The following LAMA2 variants were observed in gnomAD, a reference collection of about 807,000 sequenced individuals.
LAMA2 encodes laminin subunit alpha-2.
In LAMA2, 269 loss-of-function variants were observed where a neutral mutation model predicts 364.8. The observed-to-expected ratio is 0.74, with a 90% confidence interval of 0.67 to 0.82. LAMA2 has a LOEUF of 0.82. Ranked by LOEUF, LAMA2 falls within the 40% of genes least tolerant of loss-of-function variation. The pLI is 0.00. For synonymous variants in LAMA2, 1,379 were observed against 1,370.6 expected (o/e 1.01, Z -0.14); for missense variants, 3,807 against 3,873.2 (o/e 0.98, Z 0.45).
At chr6:129,107,062 G>A (rs1315031918) in intron 4 of LAMA2, among the ~76,000 whole-genome samples, 3 of 151,978 alleles carry the variant, frequency 2.0e-5, no homozygotes, top group Non-Finnish European at 4.4e-5. Context: ...TGGAACAGAA[G>A]GGTAAGCTTC....
chr6:128,913,041 A>G (rs1303675875), intron 1 of LAMA2, among the ~76,000 whole-genome samples: 2 of 152,218 alleles, frequency 1.3e-5, no homozygotes, highest in Non-Finnish European at 2.9e-5. Context: ...ATTTGCTTTA[A>G]TAAAGAAAAA....
chr6:128,950,118 C>T (rs1201891674), intron 1 of LAMA2, among the ~76,000 whole-genome samples: 2 of 152,038 alleles, frequency 1.3e-5, no homozygotes, highest in Non-Finnish European at 2.9e-5. Flanking sequence ...TAAAAGTAGC[C>T]AGATGCAATG....
At chr6:129,257,451 A>G (rs915824383) in intron 14 of LAMA2, among the ~76,000 whole-genome samples, 5 of 152,122 alleles carry the variant, frequency 3.3e-5, no homozygotes, top group Admixed American at 6.6e-5. Context: ...CAGTTCACTG[A>G]AAATATTTTT....
chr6:129,453,945 CTTT>C (rs11389653), intron 46 of LAMA2, among the ~76,000 whole-genome samples: 3 of 143,234 alleles, frequency 2.1e-5, no homozygotes, highest in South Asian at 2.2e-4. Flanking sequence ...GCATTATGGA[CTTT>C]TTTTTTTTTT....
intron 8 of LAMA2, 39 bp from the exon 9 acceptor site, chr6:129,165,537 T>C: frequency 7.2e-7 from 1 of 1,386,134 alleles, no homozygotes; most frequent in Non-Finnish European, 1.0e-6. Flanking sequence ...TTGCTGTTTC[T>C]ATTACACTTC....
At chr6:129,092,380 T>C (rs1326835133) in intron 3 of LAMA2, among the ~76,000 whole-genome samples, 1 of 152,210 alleles carries the variant, frequency 6.6e-6, no homozygotes, top group Non-Finnish European at 1.5e-5. Flanking sequence ...CTTGAAAACA[T>C]GATGTCTATG....
chr6:129,242,640 A>G (rs1785471107), intron 12 of LAMA2, among the ~76,000 whole-genome samples: 1 of 152,158 alleles, frequency 6.6e-6, no homozygotes. Context: ...ATTTACACAC[A>G]AATTAATCTA....
chr6:128,910,457 G>A (rs1777833135), intron 1 of LAMA2, among the ~76,000 whole-genome samples: 2 of 151,972 alleles, frequency 1.3e-5, no homozygotes, highest in African/African-American at 2.4e-5. Flanking sequence ...CATTCTTCAC[G>A]TAGTTCTCGA....
chr6:128,901,300 C>T (rs1411176899), intron 1 of LAMA2, among the ~76,000 whole-genome samples: 1 of 152,140 alleles, frequency 6.6e-6, no homozygotes, highest in Admixed American at 6.5e-5. Context: ...TAGCTTTCAC[C>T]TTTAAGAAAT....
chr6:129,163,413 C>T (rs1388811894), intron 8 of LAMA2, among the ~76,000 whole-genome samples: 5 of 152,152 alleles, frequency 3.3e-5, no homozygotes, highest in Non-Finnish European at 7.3e-5. Flanking sequence ...GCAGGCAAGT[C>T]GCTTGCGGTC....
intron 17 of LAMA2, among the ~76,000 whole-genome samples, chr6:129,276,339 A>C (rs1788327239): frequency 6.6e-6 from 1 of 152,132 alleles, no homozygotes; most frequent in African/African-American, 2.4e-5. Flanking sequence ...GGAAGTTTTA[A>C]TTTTATACCC....
intron 7 of LAMA2, among the ~76,000 whole-genome samples, chr6:129,152,875 T>C (rs1314879823): frequency 6.6e-6 from 1 of 152,096 alleles, no homozygotes; most frequent in African/African-American, 2.4e-5. Context: ...TGGAAAGGGC[T>C]CCATGATTTA....
intron 35 of LAMA2, among the ~76,000 whole-genome samples, chr6:129,385,120 A>AAGGGGGAAGG (rs1778917436): frequency 2.9e-3 from 1 of 346 alleles, no homozygotes; most frequent in African/African-American, 0.011. Flanking sequence ...GGGAGGGAGG[A>AAGGGGGAAGG]GAGGGAAGGA....
chr6:129,044,704 CTTA>C lies in LAMA2; in HGVS notation c.113-5211_113-5209del, dbSNP rs554363188. Among the ~76,000 whole-genome samples the C allele has an allele frequency of 3.1e-3, 466 of 151,976 alleles. 1 individual carries two copies. Among genetic ancestry groups the C allele is most frequent in the Middle Eastern group, 6.8e-3 (2 of 294 alleles). On this transcript the variant is annotated intron_variant, in intron 1 of 64. Transcript: ENST00000421865. ...CCTTATAACCAGAACTCCAACTAAA[CTTA>C]TTTAGTCTAGTGCTATTCAGAAAAA...
chr6:129,438,604 G>T lies in LAMA2; in HGVS notation c.5969-42G>T, dbSNP rs374705334. 5 of 996,106 alleles carry T rather than the reference G, an allele frequency of 5.0e-6. No individual in the cohort carries two copies. The African/African-American group carries it at 7.9e-5, about 16-fold the overall frequency. 61.7% of individuals were successfully genotyped at this position (996,106 alleles called of 1,614,324 possible). ...CACATCCAAGTATAAGCTCAGGGAT[G>T]ATAAAACTTATTTAATCCTTTTTTT... On this transcript the variant is annotated intron_variant, in intron 41 of 64. Transcript: ENST00000421865.
intron 3 of LAMA2, among the ~76,000 whole-genome samples, chr6:129,086,469 T>C (rs1407907434): frequency 1.3e-5 from 2 of 152,142 alleles, no homozygotes; most frequent in Non-Finnish European, 2.9e-5. Context: ...CAAAATTAAA[T>C]TATCAAAAAG....
At position 129,353,319 on chromosome 6, in the gene LAMA2, G is replaced by A; in HGVS notation, c.4679G>A (p.Cys1560Tyr). ...GCCACGGGAAGGAAGTGTGACGGCT[G>A]CAAGCACTGGCATGCACGCGAGGGC... ...PGATGRKCDG[C>Y]KHWHAREGWE... Residue 1560 changes from cysteine (C) to tyrosine (Y), a missense_variant, in exon 32 of 65, where the codon TGC (cysteine) becomes TAC (tyrosine). Coordinates refer to ENST00000421865, the MANE Select transcript of LAMA2 (RefSeq NM_000426.4). 1 of 1,614,076 alleles carries A rather than the reference G, an allele frequency of 6.2e-7. No individual in the cohort carries two copies. The highest frequency in any genetic ancestry group is 8.5e-7 in the Non-Finnish European group (1 of 1,179,990).
chr6:129,136,305 T>G (rs2114945465), intron 4 of LAMA2, among the ~76,000 whole-genome samples: 1 of 152,252 alleles, frequency 6.6e-6, no homozygotes, highest in African/African-American at 2.4e-5. Flanking sequence ...CACCAGAGGC[T>G]TTCTAAGAAA....
chr6:129,455,674 A>C (rs1782925385), intron 47 of LAMA2, among the ~76,000 whole-genome samples: 1 of 152,188 alleles, frequency 6.6e-6, no homozygotes, highest in African/African-American at 2.4e-5. Flanking sequence ...AAATAAAATG[A>C]TAATAGCTTT....
Sources: gnomAD v4.1 joint callset for allele counts (sites outside exome capture counted in the v4.1 genomes callset) on GRCh38, gnomAD v4.1.1 for gene constraint, MANE v1.5 for transcripts, NCBI Gene and HGNC (gene_info 2026-07-23, HGNC 2026-07-21) for gene names.